The following ABCB5 variants were observed in gnomAD, a reference collection of about 807,000 sequenced individuals.
The protein encoded by ABCB5 is ATP binding cassette subfamily B member 5.
ABCB5 carries 155 observed loss-of-function variants against 144.2 expected under a neutral mutation model. The observed-to-expected ratio is 1.08, with a 90% CI of 0.94 to 1.23. ABCB5 has a LOEUF of 1.23. Ranked by LOEUF, ABCB5 falls within the 50% of genes most tolerant of loss-of-function variation. ABCB5 has a pLI of 0.00. For missense variants in ABCB5, 1,830 were observed against 1,520.8 expected, an observed-to-expected ratio of 1.20 and a Z score of -3.38; for synonymous variants, 610 against 528.6, an observed-to-expected ratio of 1.15 and a Z score of -2.11.
At chr7:20,617,606 T>A (rs529069756) in intron 1 of ABCB5, among the ~76,000 whole-genome samples, 1 of 152,328 alleles carries the variant, frequency 6.6e-6, no homozygotes, top group South Asian at 2.1e-4. Flanking sequence ...TACAAACCAC[T>A]TCGACAATCT....
chr7:20,660,422 G>C, intron 14 of ABCB5: 1 of 984,934 alleles, frequency 1.0e-6, no homozygotes, highest in African/African-American at 1.7e-5. Flanking sequence ...TGTATGGTTT[G>C]CTGGGTCAGG....
In ABCB5 at chr7:20,728,437, C is replaced by A. The variant is rs1159648965; in HGVS notation, c.2849C>A (p.Thr950Asn). 1.2e-6 allele frequency: 2 copies of A among 1,613,964 alleles called. No homozygotes were observed. Among genetic ancestry groups the A allele is most frequent in the Middle Eastern group, 1.6e-4 (1 of 6,084 alleles). The change falls in exon 23 of 28, where the codon ACC (threonine) becomes AAC (asparagine). Residue 950 changes from threonine to asparagine, a missense_variant. Physicochemically the swap from Thr to Asn is moderately conservative, Grantham distance 65. Transcript: ENST00000404938. ...GAYLIQAGRM[T>N]PEGMFIVFTA... ...TATTTAATTCAAGCTGGACGAATGA[C>A]CCCAGAGGGCATGTTCATGTAAGTC...
intron 20 of ABCB5, among the ~76,000 whole-genome samples, chr7:20,719,185 A>G (rs567842845): frequency 6.6e-6 from 1 of 152,274 alleles, no homozygotes; most frequent in South Asian, 2.1e-4. Flanking sequence ...AGCAAAAAAT[A>G]TATTTCAAAC....
At chr7:20,724,701 A>G (rs1345861064) in intron 21 of ABCB5, among the ~76,000 whole-genome samples, 1 of 151,616 alleles carries the variant, frequency 6.6e-6, no homozygotes, top group Non-Finnish European at 1.5e-5. Flanking sequence ...ACTGGTGTAC[A>G]TCCTCTGAAT....
In ABCB5 at chr7:20,646,082, G is replaced by A. The variant is rs1398534094; in HGVS notation, c.925G>A (p.Gly309Arg). The change falls in exon 9 of 28, where the codon GGA (glycine) becomes AGA (arginine). Residue 309 changes from glycine (G) to arginine (R), a missense_variant. Physicochemically the swap from Gly to Arg is moderately radical, Grantham distance 125. Coordinates refer to ENST00000404938, the MANE Select transcript of ABCB5 (RefSeq NM_001163941.2). ...AACCTATGGACTTGCTTTTTGGTAT[G>A]GAACCTCCTTGATTCTTAATGGAGA... ...NGTYGLAFWY[G>R]TSLILNGEPG... The A allele has an allele frequency of 6.2e-7, 1 of 1,613,708 alleles. No individual in the cohort carries two copies. Among genetic ancestry groups the A allele is most frequent in the South Asian group, 1.1e-5 (1 of 91,068 alleles).
rs763786018 is a variant in ABCB5, at chr7:20,753,436, C to G, written c.3506C>G (p.Ala1169Gly). 2 of 1,613,986 alleles carry G rather than the reference C, an allele frequency of 1.2e-6. No homozygotes were observed. The highest frequency in any genetic ancestry group is 3.3e-5 in the Admixed American group (2 of 59,980). ...GQKQRLAIAR[A>G]LLQKPKILLL... ...AAACAAAGACTAGCTATTGCAAGGG[C>G]TCTTCTCCAAAAACCCAAAATTTTA... Residue 1169 changes from alanine to glycine, a missense_variant, in exon 27 of 28, where the codon GCT becomes GGT. Physicochemically the swap from Ala to Gly is moderately conservative, Grantham distance 60. Coordinates refer to ENST00000404938, the MANE Select transcript of ABCB5 (RefSeq NM_001163941.2).
Position 20,745,367 on chromosome 7 carries a change from G to T in ABCB5, c.3358G>T (p.Val1120Leu). Residue 1120 changes from valine (V) to leucine (L), a missense_variant, in exon 26 of 28, where the codon GTG (valine) becomes TTG (leucine). By Grantham distance (32) the Val-to-Leu change is conservative. Coordinates refer to ENST00000404938, the MANE Select transcript of ABCB5 (RefSeq NM_001163941.2). ...NIAYGDNSRV[V>L]PLDEIKEAAN... The stretch of plus-strand genomic sequence containing the variant: ...CGCCTATGGTGACAACAGCCGTGTG[G>T]TGCCATTAGATGAGATCAAAGAAGC... The T allele has an allele frequency of 6.2e-7, 1 of 1,614,136 alleles. No individual in the cohort carries two copies. Among genetic ancestry groups the T allele is most frequent in the Non-Finnish European group, 8.5e-7 (1 of 1,180,014 alleles).
intron 11 of ABCB5, 36 bp from the exon 12 acceptor site, chr7:20,649,986 G>T (rs955566376): frequency 6.3e-7 from 1 of 1,582,190 alleles, no homozygotes; most frequent in East Asian, 2.3e-5. Context: ...TCTTCTTATT[G>T]TGGTTTTATG....
intron 16 of ABCB5, among the ~76,000 whole-genome samples, chr7:20,695,185 A>G (rs910323708): frequency 1.3e-5 from 2 of 152,028 alleles, no homozygotes; most frequent in Admixed American, 6.6e-5. Context: ...CTATAGAACT[A>G]TAGTAATCAA....
chr7:20,646,070 G>C lies in ABCB5; in HGVS notation c.913G>C (p.Ala305Pro). ...YFFMNGTYGL[A>P]FWYGTSLILN... Reference sequence around the variant, plus strand: ...CTTTATGAATGGAACCTATGGACTTGCTTTTTGGTATGGAACCTCCTTGAT... The same window carrying C: ...CTTTATGAATGGAACCTATGGACTTCCTTTTTGGTATGGAACCTCCTTGAT... The change falls in exon 9 of 28, where the codon GCT (alanine) becomes CCT (proline). Residue 305 changes from alanine (A) to proline (P), a missense_variant. Transcript: ENST00000404938. 6.2e-7 allele frequency: 1 copy of C among 1,613,794 alleles called. No homozygotes were observed. The highest frequency in any genetic ancestry group is 8.5e-7 in the Non-Finnish European group (1 of 1,179,770).
chr7:20,695,823 C>G (rs1376846873), intron 16 of ABCB5, among the ~76,000 whole-genome samples: 1 of 151,720 alleles, frequency 6.6e-6, no homozygotes, highest in African/African-American at 2.4e-5. Context: ...AGATGCCCAA[C>G]GTGGTTAGTC....
At position 20,692,753 on chromosome 7, in the gene ABCB5, A is replaced by G. The variant is rs551413687; in HGVS notation, c.2011-5654A>G. On this transcript the variant is annotated intron_variant, in intron 16 of 27. Coordinates refer to ENST00000404938, the MANE Select transcript of ABCB5 (RefSeq NM_001163941.2). ...AAAAGAAACTAAAGTATTATATTTT[A>G]AGGTTCCTAAGTGGTATATAACATT... Among the ~76,000 whole-genome samples, 4 of 152,254 alleles carry G rather than the reference A, an allele frequency of 2.6e-5. No individual in the cohort carries two copies. In the East Asian group the frequency reaches 7.7e-4, roughly 29 times the overall value.
chr7:20,620,973 G>A (rs1037077225), intron 1 of ABCB5, among the ~76,000 whole-genome samples: 4 of 152,050 alleles, frequency 2.6e-5, no homozygotes, highest in Admixed American at 2.0e-4. Context: ...ATTCACAATA[G>A]CCAAAAGGTG....
Position 20,711,778 on chromosome 7 carries a change from C to CTCTTTCTTTCTTTCTTTCTTTCTT in ABCB5, c.2421+7017_2421+7040dup, listed in dbSNP as rs1174731019. Among the ~76,000 whole-genome samples, 173 of 47,108 alleles carry CTCTTTCTTTCTTTCTTTCTTTCTT rather than the reference C, an allele frequency of 3.7e-3. 9 individuals are homozygous for CTCTTTCTTTCTTTCTTTCTTTCTT. The highest frequency in any genetic ancestry group is 0.027 in the East Asian group (6 of 222). 30.9% of individuals were successfully genotyped at this position (47,108 alleles called of 152,430 possible). A position where few individuals can be genotyped will look rare whatever the true frequency, so the allele number is the denominator to read the frequency against. Reference sequence around the variant, plus strand: ...CCAGCCTGCCTGCCTTTCCTTCTTTCTCTTTCTTTCTTTCTTTCTTTCTTT... The same window carrying CTCTTTCTTTCTTTCTTTCTTTCTT: ...CCAGCCTGCCTGCCTTTCCTTCTTTCTCTTTCTTTCTTTCTTTCTTTCTTTCTTTCTTTCTTTCTTTCTTTCTTT... On this transcript the variant is annotated intron_variant, in intron 20 of 27. Transcript: ENST00000404938.
chr7:20,735,988 T>A (rs1782367297), intron 23 of ABCB5, among the ~76,000 whole-genome samples: 1 of 152,332 alleles, frequency 6.6e-6, no homozygotes, highest in East Asian at 1.9e-4. Flanking sequence ...TTTCTCCTCC[T>A]ATCTGTTGAG....
chr7:20,669,972 G>C (rs1785411075), intron 14 of ABCB5, among the ~76,000 whole-genome samples: 1 of 152,090 alleles, frequency 6.6e-6, no homozygotes, highest in Non-Finnish European at 1.5e-5. Flanking sequence ...AGAGAGGAGT[G>C]GTATCAGCAT....
At chr7:20,743,482 C>A (rs906795443) in intron 25 of ABCB5, among the ~76,000 whole-genome samples, 1 of 152,162 alleles carries the variant, frequency 6.6e-6, no homozygotes, top group Admixed American at 6.5e-5. Flanking sequence ...CACCTCCCAA[C>A]TGTCAAAACT....
At chr7:20,625,841 T>C (rs975458472) in intron 2 of ABCB5, among the ~76,000 whole-genome samples, 5 of 152,316 alleles carry the variant, frequency 3.3e-5, no homozygotes, top group East Asian at 3.9e-4. Context: ...AAGAGATATT[T>C]GTACACTCAT....
At chr7:20,668,818 C>T (rs1785335093) in intron 14 of ABCB5, among the ~76,000 whole-genome samples, 1 of 126,314 alleles carries the variant, frequency 7.9e-6, no homozygotes, top group Non-Finnish European at 1.6e-5. Context: ...AGCCCCTCTG[C>T]CCGGCCAGCC....
Sources: gnomAD v4.1 joint callset for allele counts (sites outside exome capture counted in the v4.1 genomes callset) on GRCh38, gnomAD v4.1.1 for gene constraint, MANE v1.5 for transcripts, NCBI Gene and HGNC (gene_info 2026-07-23, HGNC 2026-07-21) for gene names.